The following KCNJ15 variants were observed in gnomAD, a reference collection of about 807,000 sequenced individuals.
KCNJ15 encodes the protein potassium inwardly rectifying channel subfamily J member 15.
KCNJ15 carries 14 observed loss-of-function variants against 23.0 expected under a neutral mutation model. That is an observed-to-expected ratio of 0.61 (90% CI 0.40 to 0.95). The LOEUF (loss-of-function observed/expected upper bound fraction) is 0.95. Ranked by LOEUF, KCNJ15 falls within the 40% of genes least tolerant of loss-of-function variation. The probability of loss-of-function intolerance (pLI) is 0.00; values close to 1 mark genes in which losing one functional copy is unlikely to be tolerated. For missense variants in KCNJ15, 388 were observed against 461.8 expected (o/e 0.84, Z 1.46); for synonymous variants, 185 against 183.2 (o/e 1.01, Z -0.08).
rs1470269149 is a variant in KCNJ15 at position 38,300,929 on chromosome 21, T to C, written c.*540T>C. 1.8e-5 allele frequency: 3 copies of C among 167,208 alleles called. No homozygotes were observed. Among genetic ancestry groups the C allele is most frequent in the East Asian group, 1.9e-4 (1 of 5,210 alleles). The allele number at this position is 167,208 out of a possible 1,614,324, so 10.4% of individuals were successfully genotyped here. A position where few individuals can be genotyped will look rare whatever the true frequency, so the allele number is the denominator to read the frequency against. ...AGAGAGACTCTATGTTCACAAAATA[T>C]AGTAATTTCATTTTTACCTTTCTTC... On this transcript the variant is annotated 3_prime_UTR_variant, in exon 3 of 3. Coordinates refer to ENST00000398938, the MANE Select transcript of KCNJ15 (RefSeq NM_170736.3).
intron 1 of KCNJ15, among the ~76,000 whole-genome samples, chr21:38,265,580 C>G (rs1018027075): frequency 6.6e-5 from 10 of 152,156 alleles, no homozygotes; most frequent in Non-Finnish European, 4.4e-5. Flanking sequence ...GGCTTTAACC[C>G]TCAGTGATCT....
Position 38,306,599 on chromosome 21 carries a change from A to G in KCNJ15, c.*6210A>G, listed in dbSNP as rs953990691. 6 of 152,200 alleles carry G rather than the reference A, an allele frequency of 3.9e-5. No individual in the cohort carries two copies. In the East Asian group the frequency reaches 1.2e-3, roughly 29 times the overall value. 9.4% of individuals were successfully genotyped at this position (152,200 alleles called of 1,614,324 possible). ...TAAGGATGTCGTATTACATCAAATC[A>G]TTACAGGAAGTATGACTGTATCAGC... On this transcript the variant is annotated 3_prime_UTR_variant, in exon 3 of 3. Coordinates refer to ENST00000398938, the MANE Select transcript of KCNJ15 (RefSeq NM_170736.3).
chr21:38,254,015 A>G (rs372913431), upstream of KCNJ15, among the ~76,000 whole-genome samples: 9 of 152,348 alleles, frequency 5.9e-5, no homozygotes, highest in South Asian at 2.1e-4. Context: ...AATCTTATAC[A>G]CTAGATTTCC....
chr21:38,280,534 G>A (rs1385762304), intron 1 of KCNJ15, among the ~76,000 whole-genome samples: 3 of 152,164 alleles, frequency 2.0e-5, no homozygotes, highest in Non-Finnish European at 4.4e-5. Flanking sequence ...AGCGACGCCT[G>A]ACTTAGCACT....
intron 1 of KCNJ15, among the ~76,000 whole-genome samples, chr21:38,266,790 AG>A (rs1463630549): frequency 6.6e-6 from 1 of 152,222 alleles, no homozygotes; most frequent in Non-Finnish European, 1.5e-5. Context: ...AGATGAGGAA[AG>A]CAGGGTGCAG....
intron 1 of KCNJ15, among the ~76,000 whole-genome samples, chr21:38,259,708 G>A (rs1980681988): frequency 6.6e-6 from 1 of 152,140 alleles, no homozygotes; most frequent in African/African-American, 2.4e-5. Context: ...AGCCACCTCA[G>A]GAGTGGGGCT....
chr21:38,255,157 G>T (rs908605165), upstream of KCNJ15, among the ~76,000 whole-genome samples: 4 of 152,172 alleles, frequency 2.6e-5, no homozygotes, highest in Non-Finnish European at 5.9e-5. Context: ...CACGGACTTG[G>T]ATCAGGACCA....
chr21:38,261,456 A>G (rs1980887564), intron 1 of KCNJ15, among the ~76,000 whole-genome samples: 1 of 152,206 alleles, frequency 6.6e-6, no homozygotes, highest in African/African-American at 2.4e-5. Flanking sequence ...GGTTGAATTA[A>G]CTTATGTAAA....
intron 1 of KCNJ15, among the ~76,000 whole-genome samples, chr21:38,282,375 G>A (rs1460135306): frequency 6.6e-6 from 1 of 152,116 alleles, no homozygotes; most frequent in East Asian, 1.9e-4. Context: ...CACAGAGGAA[G>A]TAATTTGTTG....
At chr21:38,241,999 C>A in intron 1 of KCNJ15, among the ~76,000 whole-genome samples, 1 of 151,246 alleles carries the variant, frequency 6.6e-6, no homozygotes, top group East Asian at 1.9e-4. Flanking sequence ...ATGGCTTTCT[C>A]CCTTGCTCCC....
In KCNJ15 at chr21:38,305,503, C is replaced by T. The variant is rs536422101; in HGVS notation, c.*5114C>T. ...CAGAACTGATACACGAGTATAAAAG[C>T]CAACGATGTCATATATGTAGGCAAA... On this transcript the variant is annotated 3_prime_UTR_variant, in exon 3 of 3. Transcript: ENST00000398938. 9 of 152,284 alleles carry T rather than the reference C, an allele frequency of 5.9e-5. No homozygotes were observed. In the South Asian group the frequency reaches 8.3e-4, roughly 14 times the overall value. 9.4% of individuals were successfully genotyped at this position (152,284 alleles called of 1,614,324 possible). A position where few individuals can be genotyped will look rare whatever the true frequency, so the allele number is the denominator to read the frequency against.
intron 1 of KCNJ15, chr21:38,238,619 G>T: frequency 1.7e-6 from 1 of 598,140 alleles, no homozygotes; most frequent in South Asian, 1.5e-5. Context: ...GTGAAGCTGT[G>T]CAACCAGAGC....
chr21:38,253,691 A>AT (rs943633877), upstream of KCNJ15, among the ~76,000 whole-genome samples: 266 of 151,134 alleles, frequency 1.8e-3, no homozygotes, highest in African/African-American at 6.0e-3. Context: ...ACATTATAGC[A>AT]TTTTTTTTTC....
At chr21:38,290,085 T>C (rs1269639791) in intron 1 of KCNJ15, among the ~76,000 whole-genome samples, 2 of 152,222 alleles carry the variant, frequency 1.3e-5, no homozygotes, top group East Asian at 3.9e-4. Flanking sequence ...TTTATTTGGG[T>C]TAGCCAGCTC....
chr21:38,300,488 C>A lies in KCNJ15; in HGVS notation c.*99C>A. 9.5e-7 allele frequency: 1 copy of A among 1,053,526 alleles called. No homozygotes were observed. The highest frequency in any genetic ancestry group is 1.4e-6 in the Non-Finnish European group (1 of 724,280). 65.3% of individuals were successfully genotyped at this position (1,053,526 alleles called of 1,614,324 possible). ...CTGTGAAAACGAAAATGTGTAGACG[C>A]ACTCTCAAAAACTGCACGGACATAC... On this transcript the variant is annotated 3_prime_UTR_variant, in exon 3 of 3. Transcript: ENST00000398938.
chr21:38,255,300 C>A (rs180823750), upstream of KCNJ15, among the ~76,000 whole-genome samples: 581 of 152,348 alleles, frequency 3.8e-3, 4 homozygotes, highest in African/African-American at 0.013. Context: ...CCCACCTGAG[C>A]AGCTGGTATA....
chr21:38,249,320 G>C (rs1470260176), intron 1 of KCNJ15, among the ~76,000 whole-genome samples: 1 of 152,196 alleles, frequency 6.6e-6, no homozygotes, highest in Admixed American at 6.5e-5. Context: ...GGTGATATAT[G>C]TTATTTACTG....
rs1443123338 is a variant in KCNJ15, at chr21:38,306,230, C to G, written c.*5841C>G. The stretch of plus-strand genomic sequence containing the variant: ...ATTTTATTTTTATTCAAGGCCAAAT[C>G]TTATCTGGTGTCCATGCCTTCCCAC... On this transcript the variant is annotated 3_prime_UTR_variant, in exon 3 of 3. Transcript: ENST00000398938. 1 of 152,168 alleles carries G rather than the reference C, an allele frequency of 6.6e-6. No individual in the cohort carries two copies. Among genetic ancestry groups the G allele is most frequent in the Non-Finnish European group, 1.5e-5 (1 of 68,020 alleles). The allele number at this position is 152,168 out of a possible 1,614,324, so 9.4% of individuals were successfully genotyped here.
chr21:38,242,310 G>A (rs1213958515), intron 1 of KCNJ15, among the ~76,000 whole-genome samples: 2 of 152,206 alleles, frequency 1.3e-5, no homozygotes, highest in Admixed American at 6.5e-5. Flanking sequence ...CTAAATGCAC[G>A]CTGTTTCCAC....
Sources: allele counts gnomAD v4.1 joint callset (sites outside exome capture counted in the v4.1 genomes callset), GRCh38; gene constraint gnomAD v4.1.1; transcripts MANE v1.5; gene names NCBI Gene and HGNC (gene_info 2026-07-23, HGNC 2026-07-21).